TMEM108: variants seen among roughly 807,000 people sequenced by gnomAD.
TMEM108 encodes the protein transmembrane protein 108, also known as cancer/testis antigen 124.
A neutral mutation model predicts 35.1 loss-of-function variants in TMEM108; 12 were observed. The observed-to-expected ratio is 0.34, with a 90% CI of 0.22 to 0.55. TMEM108 has a LOEUF of 0.55. Ranked by LOEUF, TMEM108 falls within the 20% of genes least tolerant of loss-of-function variation. The probability of loss-of-function intolerance (pLI) is 0.89; values close to 1 mark genes in which losing one functional copy is unlikely to be tolerated. For synonymous variants in TMEM108, 287 were observed against 308.6 expected (o/e 0.93, Z 0.73); for missense variants, 680 against 753.3 (o/e 0.90, Z 1.14).
At chr3:133,379,158 G>A (rs2072928298) in intron 3 of TMEM108, among the ~76,000 whole-genome samples, 1 of 152,266 alleles carries the variant, frequency 6.6e-6, no homozygotes, top group African/African-American at 2.4e-5. Flanking sequence ...CAGGGTCAGG[G>A]AGAGGGTTGA....
chr3:133,322,001 A>G (rs1176701843), intron 3 of TMEM108, among the ~76,000 whole-genome samples: 6 of 152,220 alleles, frequency 3.9e-5, no homozygotes. Context: ...GACACAGCTT[A>G]TCAAAACTTC....
chr3:133,245,640 C>T (rs1946375601), intron 3 of TMEM108, among the ~76,000 whole-genome samples: 1 of 152,154 alleles, frequency 6.6e-6, no homozygotes, highest in African/African-American at 2.4e-5. Context: ...ATGCCTGGCA[C>T]ATGGGAGACC....
intron 3 of TMEM108, among the ~76,000 whole-genome samples, chr3:133,310,249 G>T (rs2071107135): frequency 6.6e-6 from 1 of 151,942 alleles, no homozygotes; most frequent in Non-Finnish European, 1.5e-5. Flanking sequence ...TCAAGTCCCG[G>T]ATATCCTTGT....
At chr3:133,344,399 T>C (rs1285275607) in intron 3 of TMEM108, among the ~76,000 whole-genome samples, 1 of 151,640 alleles carries the variant, frequency 6.6e-6, no homozygotes, top group Non-Finnish European at 1.5e-5. Context: ...CAATATACTA[T>C]TTTATAGAAA....
At chr3:133,273,959 G>A (rs912441802) in intron 3 of TMEM108, among the ~76,000 whole-genome samples, 2 of 152,076 alleles carry the variant, frequency 1.3e-5, no homozygotes, top group Non-Finnish European at 2.9e-5. Context: ...AATCCTTCGG[G>A]GCTTATTTTC....
At chr3:133,141,259 A>G (rs1196901476) in intron 2 of TMEM108, among the ~76,000 whole-genome samples, 1 of 152,142 alleles carries the variant, frequency 6.6e-6, no homozygotes, top group Non-Finnish European at 1.5e-5. Flanking sequence ...TGCCTTGGAT[A>G]CTGAGAGCAA....
At chr3:133,143,816 A>T (rs906047112) in intron 2 of TMEM108, among the ~76,000 whole-genome samples, 1 of 152,114 alleles carries the variant, frequency 6.6e-6, no homozygotes, top group African/African-American at 2.4e-5. Context: ...GCCCCAGCAC[A>T]TGCCCTTCTC....
At chr3:133,372,878 G>A (rs1027786396) in intron 3 of TMEM108, among the ~76,000 whole-genome samples, 1 of 152,220 alleles carries the variant, frequency 6.6e-6, no homozygotes, top group African/African-American at 2.4e-5. Context: ...GTTTCATAAA[G>A]AAGTGAAGTC....
chr3:133,393,537 T>TAACA (rs2073264151), intron 5 of TMEM108, among the ~76,000 whole-genome samples: 1 of 152,208 alleles, frequency 6.6e-6, no homozygotes, highest in African/African-American at 2.4e-5. Context: ...AGTCAGAGCC[T>TAACA]AACACACAGT....
intron 2 of TMEM108, among the ~76,000 whole-genome samples, chr3:133,184,232 G>A (rs73860849): frequency 0.021 from 3,234 of 152,160 alleles, 115 homozygotes; most frequent in African/African-American, 0.073. Context: ...AGATGTGATC[G>A]GAACTAATTT....
intron 2 of TMEM108, among the ~76,000 whole-genome samples, chr3:133,116,146 A>T (rs778446889): frequency 1.3e-5 from 2 of 152,156 alleles, no homozygotes; most frequent in African/African-American, 2.4e-5. Context: ...ACATCATCTC[A>T]TCTCTTCTTA....
At chr3:133,094,226 A>ACCCCCCC (rs1943983823) in intron 2 of TMEM108, among the ~76,000 whole-genome samples, 2 of 17,960 alleles carry the variant, frequency 1.1e-4, no homozygotes, top group Non-Finnish European at 2.5e-4. Flanking sequence ...CTCCCACCCC[A>ACCCCCCC]CCCCCCACCC....
intron 3 of TMEM108, among the ~76,000 whole-genome samples, chr3:133,244,407 G>C (rs559069666): frequency 6.6e-6 from 1 of 152,018 alleles, no homozygotes. Flanking sequence ...CTATGAACCC[G>C]TCCTAAGTCT....
chr3:133,261,289 A>G (rs1307085492), intron 3 of TMEM108, among the ~76,000 whole-genome samples: 1 of 152,230 alleles, frequency 6.6e-6, no homozygotes, highest in Non-Finnish European at 1.5e-5. Context: ...ACAGTCCACC[A>G]TGAAGTCACA....
chr3:133,362,235 T>C (rs775005224), intron 3 of TMEM108, among the ~76,000 whole-genome samples: 1 of 152,222 alleles, frequency 6.6e-6, no homozygotes, highest in Non-Finnish European at 1.5e-5. Context: ...ATCATTGTTA[T>C]GAGCAAAGAT....
At chr3:133,394,748 G>A (rs2073281283) in intron 5 of TMEM108, among the ~76,000 whole-genome samples, 1 of 152,232 alleles carries the variant, frequency 6.6e-6, no homozygotes, top group Admixed American at 6.5e-5. Context: ...AGACACTGAA[G>A]GAAATTCTTG....
chr3:133,039,121 G>A (rs1287110727), intron 1 of TMEM108, among the ~76,000 whole-genome samples: 1 of 152,172 alleles, frequency 6.6e-6, no homozygotes, highest in African/African-American at 2.4e-5. Context: ...GTTGGGCACC[G>A]GTGGAGCCGG....
chr3:133,252,732 C>G (rs939189161), intron 3 of TMEM108, among the ~76,000 whole-genome samples: 4 of 152,170 alleles, frequency 2.6e-5, no homozygotes, highest in Non-Finnish European at 5.9e-5. Context: ...GGAGACTTCT[C>G]TGAACCTCCG....
chr3:133,308,598 T>C (rs1329302854), intron 3 of TMEM108, among the ~76,000 whole-genome samples: 1 of 152,232 alleles, frequency 6.6e-6, no homozygotes, highest in Non-Finnish European at 1.5e-5. Context: ...CGAAGGCCTT[T>C]TCTGCACCTA....
Sources: gnomAD v4.1 joint callset for allele counts (sites outside exome capture counted in the v4.1 genomes callset) on GRCh38, gnomAD v4.1.1 for gene constraint, MANE v1.5 for transcripts, NCBI Gene and HGNC (gene_info 2026-07-23, HGNC 2026-07-21) for gene names.